ESRRG: variants seen among roughly 807,000 people sequenced by gnomAD.
ESRRG encodes the protein estrogen related receptor gamma.
A neutral mutation model predicts 44.0 loss-of-function variants in ESRRG; 13 were observed. That is an observed-to-expected ratio of 0.30 (90% confidence interval 0.19 to 0.47). The LOEUF is 0.47. Ranked by LOEUF, ESRRG falls within the 20% of genes least tolerant of loss-of-function variation. The probability of loss-of-function intolerance (pLI) is 1.00; values close to 1 mark genes in which losing one functional copy is unlikely to be tolerated. For synonymous variants in ESRRG, 215 were observed against 214.6 expected (o/e 1.00, Z -0.02); for missense variants, 395 against 580.6 (o/e 0.68, Z 3.29).
rs17043610 is a variant in ESRRG at position 216,737,724 on chromosome 1, C to A, written c.-13-60233G>T. On this transcript the variant is annotated intron_variant, in intron 2 of 7. Transcript: ENST00000359162. ...TTGGCTGTGTGACCTTGGGCAAGTACCTGAATTATTGGTTTTATCATCTGT... is the reference window on the plus strand; with the variant it reads ...TTGGCTGTGTGACCTTGGGCAAGTAACTGAATTATTGGTTTTATCATCTGT... Among the ~76,000 whole-genome samples, 17 of 151,674 alleles carry A rather than the reference C, an allele frequency of 1.1e-4. No homozygotes were observed. In the South Asian group the frequency reaches 3.5e-3, roughly 32 times the overall value.
At chr1:216,897,463 G>T (rs2058560118) in intron 2 of ESRRG, among the ~76,000 whole-genome samples, 1 of 152,062 alleles carries the variant, frequency 6.6e-6, no homozygotes, top group Non-Finnish European at 1.5e-5. Context: ...TGAGAAAATG[G>T]CTCTACAATG....
chr1:216,670,857 C>T (rs1404021051), intron 2 of ESRRG, among the ~76,000 whole-genome samples: 3 of 152,132 alleles, frequency 2.0e-5, no homozygotes, highest in Non-Finnish European at 4.4e-5. Flanking sequence ...GCTCTCCTTG[C>T]ACTGCCTCTC....
chr1:216,669,112 AC>A (rs1239139804), intron 2 of ESRRG, among the ~76,000 whole-genome samples: 3 of 151,644 alleles, frequency 2.0e-5, no homozygotes, highest in Admixed American at 6.6e-5. Context: ...TAAAAAAAAA[AC>A]AAAACAAAGA....
intron 1 of ESRRG, among the ~76,000 whole-genome samples, chr1:216,980,994 C>G (rs1162185662): frequency 6.6e-6 from 1 of 152,100 alleles, no homozygotes; most frequent in Non-Finnish European, 1.5e-5. Context: ...CAAATGTTAC[C>G]TATTTGCATC....
At chr1:217,125,564 T>C (rs1000451783) in intron 1 of ESRRG, among the ~76,000 whole-genome samples, 1 of 152,208 alleles carries the variant, frequency 6.6e-6, no homozygotes, top group African/African-American at 2.4e-5. Flanking sequence ...CTTAACATAG[T>C]ATTTGATACT....
intron 1 of ESRRG, among the ~76,000 whole-genome samples, chr1:216,687,976 G>A (rs544508156): frequency 2.0e-5 from 3 of 152,128 alleles, no homozygotes; most frequent in South Asian, 4.2e-4. Flanking sequence ...GTCTCAAATA[G>A]TGCCTCTGAC....
At chr1:217,067,942 C>T (rs2090000948) in intron 1 of ESRRG, among the ~76,000 whole-genome samples, 1 of 152,118 alleles carries the variant, frequency 6.6e-6, no homozygotes, top group Middle Eastern at 3.2e-3. Context: ...GAATGTTGCA[C>T]CATCTCCACA....
intron 2 of ESRRG, among the ~76,000 whole-genome samples, chr1:216,887,681 G>T (rs967605249): frequency 6.6e-6 from 1 of 152,116 alleles, no homozygotes; most frequent in Non-Finnish European, 1.5e-5. Flanking sequence ...GCCACATGCT[G>T]AAACTCCTAC....
rs554036858 is a variant in ESRRG, at chr1:216,656,612, T to C, written c.473-5523A>G. On this transcript the variant is annotated intron_variant, in intron 2 of 6. Coordinates refer to ENST00000408911, the MANE Select transcript of ESRRG (RefSeq NM_001438.4). ...TTGTATATTCCTTTCAGTCACTTAA[T>C]GGACTTTTACAGTTTGGCAGTGAAA... is the stretch of plus-strand genomic sequence containing the variant. Among the ~76,000 whole-genome samples the C allele has an allele frequency of 3.3e-5, 5 of 152,330 alleles. No individual in the cohort carries two copies. In the East Asian group the frequency reaches 7.7e-4, roughly 23 times the overall value.
At chr1:216,950,262 T>A (rs1347900504) in intron 1 of ESRRG, among the ~76,000 whole-genome samples, 1 of 152,248 alleles carries the variant, frequency 6.6e-6, no homozygotes, top group Non-Finnish European at 1.5e-5. Flanking sequence ...AATGAACTAC[T>A]AGAGATGACT....
intron 5 of ESRRG, among the ~76,000 whole-genome samples, chr1:216,533,407 G>C (rs1477961522): frequency 6.6e-6 from 1 of 152,136 alleles, no homozygotes; most frequent in Non-Finnish European, 1.5e-5. Context: ...CAAGATATGA[G>C]AGAGTGTATA....
At chr1:216,773,190 G>T (rs747767096) in intron 2 of ESRRG, among the ~76,000 whole-genome samples, 25 of 152,216 alleles carry the variant, frequency 1.6e-4, no homozygotes, top group Middle Eastern at 3.4e-3. Flanking sequence ...AATATTCATA[G>T]TGAAAGATAG....
intron 3 of ESRRG, among the ~76,000 whole-genome samples, chr1:216,611,211 CA>C (rs397861468): frequency 0.02 from 1,210 of 60,370 alleles, 12 homozygotes; most frequent in African/African-American, 0.075. Flanking sequence ...ACTCCGTCCT[CA>C]AAAAAAAAAA....
At chr1:217,000,658 A>G (rs2076914572) in intron 1 of ESRRG, 1 of 152,192 alleles carries the variant, frequency 6.6e-6, no homozygotes, top group African/African-American at 2.4e-5. Context: ...ATGTTTCATA[A>G]ATTTTAAGCT....
chr1:217,108,259 A>G (rs2092621461), intron 1 of ESRRG, among the ~76,000 whole-genome samples: 1 of 152,102 alleles, frequency 6.6e-6, no homozygotes, highest in Admixed American at 6.6e-5. Context: ...TCTCTTCTTA[A>G]TGCTACCTCC....
At chr1:216,928,332 T>C (rs1054306613) in intron 2 of ESRRG, among the ~76,000 whole-genome samples, 1 of 152,194 alleles carries the variant, frequency 6.6e-6, no homozygotes, top group Non-Finnish European at 1.5e-5. Context: ...GTCTCAGTTT[T>C]TTCTGCCCCT....
intron 2 of ESRRG, among the ~76,000 whole-genome samples, chr1:216,671,782 C>A (rs1034796045): frequency 1.3e-5 from 2 of 152,056 alleles, no homozygotes; most frequent in African/African-American, 2.4e-5. Context: ...ATTTCTAGCA[C>A]TATAATGAGG....
chr1:216,977,745 ACTC>A (rs1032446558), intron 1 of ESRRG, among the ~76,000 whole-genome samples: 1 of 152,036 alleles, frequency 6.6e-6, no homozygotes, highest in African/African-American at 2.4e-5. Context: ...CCCCACCAAA[ACTC>A]ATATTGACAT....
At chr1:216,563,913 G>A (rs1028593685) in intron 5 of ESRRG, among the ~76,000 whole-genome samples, 2 of 152,002 alleles carry the variant, frequency 1.3e-5, no homozygotes, top group Admixed American at 6.6e-5. Flanking sequence ...GTATTTGCTA[G>A]GAAAAAGGTA....
Sources: gnomAD v4.1 joint callset for allele counts (sites outside exome capture counted in the v4.1 genomes callset) on GRCh38, gnomAD v4.1.1 for gene constraint, MANE v1.5 for transcripts, NCBI Gene and HGNC (gene_info 2026-07-23, HGNC 2026-07-21) for gene names.